The following E2F5 variants were observed in gnomAD, a reference collection of about 807,000 sequenced individuals.
E2F5 encodes transcription factor E2F5.
E2F5 carries 23 observed loss-of-function variants against 39.1 expected under a neutral mutation model. The ratio of observed to expected loss-of-function variants is 0.59; its 90% CI spans 0.42 to 0.83. The LOEUF is 0.83. Among genes scored for constraint, E2F5 ranks in the 40% least tolerant of loss-of-function variants. E2F5 has a pLI of 0.00. For missense variants in E2F5, 365 were observed against 406.7 expected, an observed-to-expected ratio of 0.90 and a Z score of 0.88; for synonymous variants, 145 against 157.8, an observed-to-expected ratio of 0.92 and a Z score of 0.61.
chr8:85,177,826 G>T (rs1017515614), intron 1 of E2F5, 172 bp downstream of exon 1: 1 of 1,102,292 alleles, frequency 9.1e-7, no homozygotes, highest in Admixed American at 4.8e-5. Flanking sequence ...ACGCCGGGAT[G>T]GGGGAGGGAC....
rs11786614 is a variant in E2F5, at chr8:85,196,008, A to T, written c.235-6139A>T. On this transcript the variant is annotated intron_variant, in intron 1 of 7. Transcript: ENST00000416274. ...AAAGTTTATACAAAGTTTATTAAAAATTTTTTTTTAAAAATTTAAAGCTTA... is the reference window on the plus strand; with the variant it reads ...AAAGTTTATACAAAGTTTATTAAAATTTTTTTTTTAAAAATTTAAAGCTTA... Among the ~76,000 whole-genome samples the T allele has an allele frequency of 4.3e-3, 653 of 151,980 alleles. 2 individuals are homozygous for T. Among genetic ancestry groups the T allele is most frequent in the Non-Finnish European group, 6.4e-3 (438 of 67,946 alleles).
chr8:85,190,630 A>G (rs1198382763), intron 1 of E2F5, among the ~76,000 whole-genome samples: 3 of 146,260 alleles, frequency 2.1e-5, no homozygotes, highest in Non-Finnish European at 4.4e-5. Flanking sequence ...CAGCCTCCCT[A>G]GTAGCTGGGA....
At chr8:85,191,795 G>A (rs1294438432) in intron 1 of E2F5, among the ~76,000 whole-genome samples, 2 of 152,096 alleles carry the variant, frequency 1.3e-5, no homozygotes, top group Non-Finnish European at 2.9e-5. Flanking sequence ...TTCGCTGTAG[G>A]CCAGGGACTG....
At chr8:85,201,246 T>A (rs1006251401) in intron 1 of E2F5, among the ~76,000 whole-genome samples, 3 of 152,216 alleles carry the variant, frequency 2.0e-5, no homozygotes, top group Non-Finnish European at 4.4e-5. Flanking sequence ...TTAGCAATTA[T>A]GTGAAGCTAA....
At chr8:85,187,944 T>C (rs1812376502) in intron 1 of E2F5, 1 of 152,170 alleles carries the variant, frequency 6.6e-6, no homozygotes, top group South Asian at 2.1e-4. Flanking sequence ...TGCTATAGGT[T>C]TTTGCTTTGT....
rs181039973 is a variant in E2F5, at chr8:85,187,073, A to T, written c.234+9419A>T. ...AGTTTCCCTTTGTATTTTTTCATTG[A>T]CTCATTAGATGTTTAAGAGCATGTT... On this transcript the variant is annotated intron_variant, in intron 1 of 7. Transcript: ENST00000416274. 4.4e-4 allele frequency among the ~76,000 whole-genome samples: 67 copies of T among 151,672 alleles called. 2 individuals carry two copies. The highest frequency in any genetic ancestry group is 5.6e-4 in the Non-Finnish European group (38 of 67,858).
chr8:85,181,352 C>T (rs1259991519), intron 1 of E2F5, among the ~76,000 whole-genome samples: 1 of 151,246 alleles, frequency 6.6e-6, no homozygotes, highest in Non-Finnish European at 1.5e-5. Context: ...TTTTTTGAGA[C>T]GGGAGTCTCA....
chr8:85,189,210 G>T (rs1233030707), intron 1 of E2F5, among the ~76,000 whole-genome samples: 1 of 152,064 alleles, frequency 6.6e-6, no homozygotes, highest in East Asian at 1.9e-4. Context: ...TACAATTACT[G>T]AAGTATCAGT....
Position 85,214,242 on chromosome 8 carries a change from A to C in E2F5, c.*380A>C, listed in dbSNP as rs146137158. 94 of 551,170 alleles carry C rather than the reference A, an allele frequency of 1.7e-4. No individual in the cohort carries two copies. In the East Asian group the frequency reaches 4.1e-3, roughly 24 times the overall value. 34.1% of individuals were successfully genotyped at this position (551,170 alleles called of 1,614,324 possible). On this transcript the variant is annotated 3_prime_UTR_variant, in exon 8 of 8. Transcript: ENST00000416274. ...CTTGTCTTATATTTTTACTGCCACT[A>C]AACTGCCTGTATTTCTGTATGTCCT... is the stretch of plus-strand genomic sequence containing the variant.
intron 1 of E2F5, among the ~76,000 whole-genome samples, chr8:85,178,463 C>T (rs770917709): frequency 3.3e-5 from 5 of 152,130 alleles, no homozygotes; most frequent in Non-Finnish European, 7.3e-5. Flanking sequence ...TTCTGTCATA[C>T]AGAATGACTT....
chr8:85,193,150 AT>A (rs1018745966), intron 1 of E2F5, among the ~76,000 whole-genome samples: 1 of 151,872 alleles, frequency 6.6e-6, no homozygotes, highest in Non-Finnish European at 1.5e-5. Context: ...AATGAATAGT[AT>A]TTTTTTTCAG....
chr8:85,211,403 A>AAAAT (rs757640300), intron 6 of E2F5, among the ~76,000 whole-genome samples: 3 of 151,824 alleles, frequency 2.0e-5, no homozygotes, highest in Admixed American at 6.6e-5. Context: ...ATCCTGTCTC[A>AAAAT]AAATAAATAA....
intron 1 of E2F5, among the ~76,000 whole-genome samples, chr8:85,193,033 G>C (rs4150897): frequency 0.64 from 97,384 of 152,086 alleles, 31,869 homozygotes; most frequent in Non-Finnish European, 0.69. Flanking sequence ...GTGTTTGTTG[G>C]GTAACTGACA....
At chr8:85,200,883 G>C (rs1587494305) in intron 1 of E2F5, among the ~76,000 whole-genome samples, 1 of 152,204 alleles carries the variant, frequency 6.6e-6, no homozygotes, top group Admixed American at 6.5e-5. Context: ...TGCCAAGTTA[G>C]AGTTGGGGAA....
intron 1 of E2F5, among the ~76,000 whole-genome samples, chr8:85,200,925 T>C (rs2403085): frequency 0.64 from 97,118 of 152,112 alleles, 31,718 homozygotes; most frequent in Non-Finnish European, 0.69. Context: ...TTTTCCTTCT[T>C]CTGCCACATC....
At position 85,206,196 on chromosome 8, in the gene E2F5, G is replaced by A; in HGVS notation, c.526G>A (p.Glu176Lys). The change falls in exon 4 of 8, where the codon GAA becomes AAA. Residue 176 changes from glutamate (E) to lysine (K), a missense_variant. Physicochemically the swap from Glu to Lys is moderately conservative, Grantham distance 56. Transcript: ENST00000416274. Reference protein sequence around the residue: ...INNRFSYVTHEDICNCFNGDT... With the variant: ...INNRFSYVTHKDICNCFNGDT... ...CAGTACATTTTCCTATGTAACTCATGAAGACATCTGTAATTGCTTTAATGG... is the reference window on the plus strand; with the variant it reads ...CAGTACATTTTCCTATGTAACTCATAAAGACATCTGTAATTGCTTTAATGG... The A allele has an allele frequency of 6.2e-7, 1 of 1,613,188 alleles. No homozygotes were observed. Among genetic ancestry groups the A allele is most frequent in the Non-Finnish European group, 8.5e-7 (1 of 1,179,592 alleles).
intron 1 of E2F5, among the ~76,000 whole-genome samples, chr8:85,186,529 A>G (rs1812337724): frequency 6.7e-6 from 1 of 150,148 alleles, no homozygotes; most frequent in Non-Finnish European, 1.5e-5. Context: ...ATATATATGT[A>G]CGGTATATAT....
intron 1 of E2F5, among the ~76,000 whole-genome samples, chr8:85,187,211 T>G (rs1030194910): frequency 5.9e-5 from 9 of 152,138 alleles, no homozygotes; most frequent in Admixed American, 4.6e-4. Flanking sequence ...TGTTATGATT[T>G]GTTTTTTGGC....
chr8:85,189,264 C>T (rs955868349), intron 1 of E2F5, among the ~76,000 whole-genome samples: 1 of 152,064 alleles, frequency 6.6e-6, no homozygotes, highest in African/African-American at 2.4e-5. Flanking sequence ...GTAAAACTTG[C>T]CCAGTATGCA....
Sources: allele counts gnomAD v4.1 joint callset (sites outside exome capture counted in the v4.1 genomes callset), GRCh38; gene constraint gnomAD v4.1.1; transcripts MANE v1.5; gene names NCBI Gene and HGNC (gene_info 2026-07-23, HGNC 2026-07-21).